The following SIK3 variants were observed in gnomAD, a reference collection of about 807,000 sequenced individuals.
SIK3 encodes SIK family kinase 3.
SIK3 carries 28 observed loss-of-function variants against 144.2 expected under a neutral mutation model. The observed-to-expected ratio is 0.19, with a 90% CI of 0.14 to 0.27. The LOEUF is 0.27. Ranked by LOEUF, SIK3 falls within the 10% of genes least tolerant of loss-of-function variation. The pLI, the probability that SIK3 is intolerant of heterozygous loss-of-function variation, is 1.00. For synonymous variants in SIK3, 686 were observed against 676.3 expected (o/e 1.01, Z -0.22); for missense variants, 1,319 against 1,776.0 (o/e 0.74, Z 4.62).
chr11:116,919,126 G>A (rs535998808), intron 4 of SIK3, among the ~76,000 whole-genome samples: 2 of 152,310 alleles, frequency 1.3e-5, no homozygotes, highest in South Asian at 2.1e-4. Flanking sequence ...GATATAATGA[G>A]TATTGCATAA....
At chr11:116,915,538 C>A (rs528182471) in intron 4 of SIK3, among the ~76,000 whole-genome samples, 1 of 151,766 alleles carries the variant, frequency 6.6e-6, no homozygotes, top group Non-Finnish European at 1.5e-5. Flanking sequence ...AGTCTTTATT[C>A]CCAATAAATC....
At chr11:116,896,538 A>C (rs1454346012) in intron 5 of SIK3, among the ~76,000 whole-genome samples, 162 bp from the exon 6 acceptor site, 1 of 152,234 alleles carries the variant, frequency 6.6e-6, no homozygotes, top group African/African-American at 2.4e-5. Context: ...GCTTCTAGGC[A>C]TTAATTTAGG....
chr11:116,929,678 A>T (rs937310010), intron 3 of SIK3, among the ~76,000 whole-genome samples: 1 of 152,150 alleles, frequency 6.6e-6, no homozygotes, highest in African/African-American at 2.4e-5. Context: ...ATACAAGTAA[A>T]CTCTGTTGCA....
intron 1 of SIK3, among the ~76,000 whole-genome samples, chr11:116,985,923 T>C (rs1490064377): frequency 1.3e-5 from 2 of 152,186 alleles, no homozygotes; most frequent in Admixed American, 1.3e-4. Flanking sequence ...AGATGCGGGC[T>C]ATTGGAAGAA....
At chr11:116,886,555 CAATT>C (rs1944830595) in intron 6 of SIK3, among the ~76,000 whole-genome samples, 1 of 152,148 alleles carries the variant, frequency 6.6e-6, no homozygotes, top group South Asian at 2.1e-4. Context: ...TGCAGTATTA[CAATT>C]AATTAAGTCA....
At chr11:116,939,694 C>T (rs1263764049) in intron 3 of SIK3, among the ~76,000 whole-genome samples, 2 of 152,182 alleles carry the variant, frequency 1.3e-5, no homozygotes, top group Admixed American at 1.3e-4. Flanking sequence ...CTAAATATAA[C>T]TTCCACTTTC....
chr11:116,952,335 G>A (rs757673433), intron 3 of SIK3, among the ~76,000 whole-genome samples: 45 of 152,158 alleles, frequency 3.0e-4, no homozygotes, highest in Non-Finnish European at 5.4e-4. Context: ...CCAGGAGTTC[G>A]AGGCTGCAGT....
intron 22 of SIK3, 121 bp downstream of exon 22, chr11:116,848,999 C>T: frequency 1.7e-6 from 2 of 1,168,672 alleles, no homozygotes; most frequent in South Asian, 4.1e-5. Context: ...CCACCGTTTC[C>T]AGAAAGGCTG....
rs112237641 is a variant in SIK3 at position 116,866,762 on chromosome 11, C to T, written c.1952+1184G>A. The stretch of plus-strand genomic sequence containing the variant: ...GCCTCAAAGTGCTCTTTAGTGTGTA[C>T]GAACACTGTAAGTCCTGAGAGACTT... On this transcript the variant is annotated intron_variant, in intron 15 of 24. Coordinates refer to ENST00000445177, the MANE Select transcript of SIK3 (RefSeq NM_001366686.3). Among the ~76,000 whole-genome samples, 1,015 of 152,166 alleles carry T rather than the reference C, an allele frequency of 6.7e-3. 13 individuals are homozygous for T. The highest frequency in any genetic ancestry group is 0.023 in the African/African-American group (967 of 41,510).
At chr11:117,023,621 A>AAAAATATAT (rs754624841) in intron 1 of SIK3, among the ~76,000 whole-genome samples, 27 of 95,388 alleles carry the variant, frequency 2.8e-4, no homozygotes, top group African/African-American at 7.4e-4. Flanking sequence ...AAAAAAAAAA[A>AAAAATATAT]ATATATATAT....
chr11:116,981,360 C>T (rs1419335988), intron 1 of SIK3, among the ~76,000 whole-genome samples: 1 of 152,178 alleles, frequency 6.6e-6, no homozygotes, highest in Non-Finnish European at 1.5e-5. Flanking sequence ...ATGGATCTCT[C>T]CATGGGCTTC....
At chr11:117,055,686 G>A (rs1003773020) in intron 1 of SIK3, among the ~76,000 whole-genome samples, 23 of 152,388 alleles carry the variant, frequency 1.5e-4, no homozygotes, top group African/African-American at 5.5e-4. Flanking sequence ...TAGGGCCACA[G>A]TTTGAATGTC....
chr11:116,850,662 G>C (rs1358185657), intron 21 of SIK3, among the ~76,000 whole-genome samples: 1 of 152,156 alleles, frequency 6.6e-6, no homozygotes, highest in East Asian at 1.9e-4. Flanking sequence ...GTATGTCTGT[G>C]AATCTTCAGT....
intron 6 of SIK3, 75 bp from the exon 7 acceptor site, chr11:116,877,117 A>G: frequency 7.8e-7 from 1 of 1,280,302 alleles, no homozygotes; most frequent in Non-Finnish European, 1.1e-6. Flanking sequence ...CCAGGGGCAA[A>G]GCCAGCAGGG....
chr11:116,945,380 CTTTTT>C (rs35915801), intron 3 of SIK3, among the ~76,000 whole-genome samples: 1 of 95,390 alleles, frequency 1.0e-5, no homozygotes, highest in African/African-American at 4.2e-5. Flanking sequence ...TTCATGAATT[CTTTTT>C]TTTTTTTTTT....
At chr11:117,067,817 T>C (rs377054281) in intron 1 of SIK3, among the ~76,000 whole-genome samples, 1 of 148,518 alleles carries the variant, frequency 6.7e-6, no homozygotes, top group African/African-American at 2.4e-5. Context: ...TGAAACCCCA[T>C]CTCTACTAAA....
At chr11:117,048,607 G>C (rs552203623) in intron 1 of SIK3, among the ~76,000 whole-genome samples, 5 of 152,212 alleles carry the variant, frequency 3.3e-5, no homozygotes, top group Non-Finnish European at 7.4e-5. Flanking sequence ...AGTAAGCAGA[G>C]ATCGGGCCAT....
intron 5 of SIK3, among the ~76,000 whole-genome samples, chr11:116,896,688 G>T (rs1380479719): frequency 1.3e-5 from 2 of 152,154 alleles, no homozygotes; most frequent in African/African-American, 4.8e-5. Context: ...GGGGAAATTT[G>T]AAATATGTGG....
At chr11:116,931,840 TAA>T (rs1947622344) in intron 3 of SIK3, among the ~76,000 whole-genome samples, 1 of 152,214 alleles carries the variant, frequency 6.6e-6, no homozygotes, top group South Asian at 2.1e-4. Flanking sequence ...AGCAGGTTAA[TAA>T]GAGTGCAGTC....
Sources: gnomAD v4.1 joint callset for allele counts (sites outside exome capture counted in the v4.1 genomes callset) on GRCh38, gnomAD v4.1.1 for gene constraint, MANE v1.5 for transcripts, NCBI Gene and HGNC (gene_info 2026-07-23, HGNC 2026-07-21) for gene names.